SULF1: variants seen among roughly 807,000 people sequenced by gnomAD.
The protein encoded by SULF1 is extracellular sulfatase Sulf-1.
In SULF1, 46 loss-of-function variants were observed where a neutral mutation model predicts 110.5. That is an observed-to-expected ratio of 0.42 (90% CI 0.33 to 0.53). The LOEUF (loss-of-function observed/expected upper bound fraction) is 0.53, where lower values mean the gene tolerates loss of function less well. Among genes scored for constraint, SULF1 ranks in the 20% least tolerant of loss-of-function variants. The pLI is 0.12. For synonymous variants in SULF1, 371 were observed against 387.1 expected (o/e 0.96, Z 0.49); for missense variants, 941 against 1,094.2 (o/e 0.86, Z 1.98).
At chr8:69,656,408 T>C (rs1318158108) in intron 22 of SULF1, among the ~76,000 whole-genome samples, 1 of 152,218 alleles carries the variant, frequency 6.6e-6, no homozygotes, top group African/African-American at 2.4e-5. Flanking sequence ...GCTGCACCTA[T>C]CAACCCATCA....
intron 1 of SULF1, among the ~76,000 whole-genome samples, chr8:69,475,282 G>C (rs1809254144): frequency 6.6e-6 from 1 of 152,000 alleles, no homozygotes; most frequent in South Asian, 2.1e-4. Context: ...GATGCCTTAG[G>C]AAGTTCAAGC....
chr8:69,504,015 G>T (rs1810993118), intron 3 of SULF1, among the ~76,000 whole-genome samples: 1 of 151,912 alleles, frequency 6.6e-6, no homozygotes, highest in South Asian at 2.1e-4. Context: ...GGCCAGGATG[G>T]TCTCGATCTC....
chr8:69,472,830 A>T (rs1809141304), intron 1 of SULF1, among the ~76,000 whole-genome samples: 1 of 152,010 alleles, frequency 6.6e-6, no homozygotes, highest in East Asian at 1.9e-4. Context: ...TAAACTTTTT[A>T]AATTTTAATT....
At chr8:69,614,589 A>G (rs1808938495) in intron 13 of SULF1, among the ~76,000 whole-genome samples, 1 of 152,264 alleles carries the variant, frequency 6.6e-6, no homozygotes, top group Non-Finnish European at 1.5e-5. Flanking sequence ...CACTATTTGT[A>G]TCCTCATACC....
At chr8:69,562,644 C>T (rs980765817) in intron 3 of SULF1, among the ~76,000 whole-genome samples, 1 of 152,124 alleles carries the variant, frequency 6.6e-6, no homozygotes, top group Non-Finnish European at 1.5e-5. Context: ...TTTTCCAACC[C>T]TTTCAAAAGC....
intron 3 of SULF1, among the ~76,000 whole-genome samples, chr8:69,533,892 G>A (rs1813269838): frequency 6.6e-6 from 1 of 152,106 alleles, no homozygotes; most frequent in African/African-American, 2.4e-5. Context: ...GACTTGTAGA[G>A]AATAGCCTAA....
At chr8:69,555,331 C>T (rs914938402) in intron 3 of SULF1, among the ~76,000 whole-genome samples, 1 of 152,212 alleles carries the variant, frequency 6.6e-6, no homozygotes, top group South Asian at 2.1e-4. Flanking sequence ...AGTTAGAGAG[C>T]ATTATATTGG....
chr8:69,638,893 T>C, intron 21 of SULF1, 35 bp downstream of exon 21: 1 of 1,583,424 alleles, frequency 6.3e-7, no homozygotes. Context: ...CTATTTTACC[T>C]GGAAAATTCT....
At chr8:69,582,905 AG>A (rs1328503266) in intron 6 of SULF1, among the ~76,000 whole-genome samples, 6 of 152,296 alleles carry the variant, frequency 3.9e-5, no homozygotes, top group African/African-American at 1.4e-4. Flanking sequence ...CTATGTGAAA[AG>A]GTCAGTTCGT....
In SULF1 at chr8:69,621,229, C is replaced by T; in HGVS notation, c.1572C>T (p.Phe524=). The T allele has an allele frequency of 6.2e-7, 1 of 1,613,480 alleles. No individual in the cohort carries two copies. Among genetic ancestry groups the T allele is most frequent in the Non-Finnish European group, 8.5e-7 (1 of 1,179,608 alleles). ...SRSQRKSQRQ[F]LRNQGTPKYK... ...GCCAAAGAAAGAGTCAACGGCAATTCTTGAGAAACCAGGGGACTCCAAGTA... is the reference window on the plus strand; with the variant it reads ...GCCAAAGAAAGAGTCAACGGCAATTTTTGAGAAACCAGGGGACTCCAAGTA... Residue 524 remains phenylalanine (F), a synonymous_variant, in exon 14 of 23, where the codon TTC becomes TTT. Coordinates refer to ENST00000402687, the MANE Select transcript of SULF1 (RefSeq NM_001128205.2).
intron 22 of SULF1, among the ~76,000 whole-genome samples, chr8:69,647,575 G>A (rs1352314787): frequency 6.6e-6 from 1 of 151,844 alleles, no homozygotes; most frequent in Admixed American, 6.6e-5. Flanking sequence ...TTATTCCTTT[G>A]CTTTCTTAAT....
intron 5 of SULF1, among the ~76,000 whole-genome samples, chr8:69,568,581 A>T (rs951113340): frequency 1.3e-5 from 2 of 152,228 alleles, no homozygotes; most frequent in Non-Finnish European, 2.9e-5. Flanking sequence ...TAGGACAAAG[A>T]TCATCATCCC....
intron 3 of SULF1, among the ~76,000 whole-genome samples, chr8:69,529,043 A>C (rs1263603348): frequency 6.6e-6 from 1 of 152,152 alleles, no homozygotes; most frequent in Non-Finnish European, 1.5e-5. Context: ...TACATATACA[A>C]AGTTATTTAA....
chr8:69,600,814 T>A (rs1807742087), intron 9 of SULF1, 61 bp downstream of exon 9: 1 of 1,541,106 alleles, frequency 6.5e-7, no homozygotes, highest in Admixed American at 1.9e-5. Context: ...TGTAGACTTA[T>A]TCTTGCCAAT....
chr8:69,523,845 C>T (rs535175756), intron 3 of SULF1, among the ~76,000 whole-genome samples: 67 of 151,900 alleles, frequency 4.4e-4, no homozygotes, highest in South Asian at 1.3e-3. Context: ...GATGATGGAG[C>T]GGGCAGTTAC....
intron 14 of SULF1, among the ~76,000 whole-genome samples, chr8:69,621,863 G>A (rs536501644): frequency 2.0e-5 from 3 of 152,240 alleles, no homozygotes; most frequent in East Asian, 1.9e-4. Context: ...GAAAATCCAC[G>A]GGCTGACACC....
At chr8:69,611,753 T>G (rs1808675037) in intron 13 of SULF1, among the ~76,000 whole-genome samples, 1 of 152,226 alleles carries the variant, frequency 6.6e-6, no homozygotes, top group African/African-American at 2.4e-5. Flanking sequence ...ATCCATGTCA[T>G]AAGACATATG....
intron 3 of SULF1, among the ~76,000 whole-genome samples, chr8:69,527,093 C>T (rs116171924): frequency 0.016 from 2,392 of 152,186 alleles, 59 homozygotes; most frequent in African/African-American, 0.053. Flanking sequence ...TTCTTAAGCA[C>T]TCCCTTCCGG....
At chr8:69,537,489 G>T (rs1813504584) in intron 3 of SULF1, among the ~76,000 whole-genome samples, 1 of 152,156 alleles carries the variant, frequency 6.6e-6, no homozygotes. Flanking sequence ...GTTTCCAAGA[G>T]TATACCATAT....
Sources: gnomAD v4.1 joint callset for allele counts (sites outside exome capture counted in the v4.1 genomes callset) on GRCh38, gnomAD v4.1.1 for gene constraint, MANE v1.5 for transcripts, NCBI Gene and HGNC (gene_info 2026-07-23, HGNC 2026-07-21) for gene names.